Variants in NOX4 observed in about 807,000 individuals in gnomAD.
NOX4 encodes the protein NADPH oxidase 4.
NOX4 carries 69 observed loss-of-function variants against 87.6 expected under a neutral mutation model. The ratio of observed to expected loss-of-function variants is 0.79; its 90% confidence interval spans 0.65 to 0.96. The LOEUF (loss-of-function observed/expected upper bound fraction) is 0.96. Among genes scored for constraint, NOX4 ranks in the 40% least tolerant of loss-of-function variants. NOX4 has a pLI of 0.00. For synonymous variants in NOX4, 275 were observed against 238.2 expected (o/e 1.15, Z -1.42); for missense variants, 680 against 681.5 (o/e 1.00, Z 0.02).
chr11:89,416,576 G>T (rs1425800360), intron 8 of NOX4, among the ~76,000 whole-genome samples: 1 of 152,116 alleles, frequency 6.6e-6, no homozygotes, highest in Non-Finnish European at 1.5e-5. Flanking sequence ...TTTCCAGTCA[G>T]CACAATAAGC....
chr11:89,478,328 C>A (rs1946252368), intron 2 of NOX4, among the ~76,000 whole-genome samples: 1 of 152,214 alleles, frequency 6.6e-6, no homozygotes, highest in African/African-American at 2.4e-5. Context: ...TAATATAAAT[C>A]TCAACTGAAA....
the NOX4 span, among the ~76,000 whole-genome samples, chr11:89,567,963 C>T: frequency 6.6e-6 from 1 of 152,204 alleles, no homozygotes; most frequent in Non-Finnish European, 1.5e-5. Context: ...ATGCCACTAT[C>T]CTGATGAAGT....
At chr11:89,379,330 G>C (rs1940100511) in intron 11 of NOX4, among the ~76,000 whole-genome samples, 1 of 151,710 alleles carries the variant, frequency 6.6e-6, no homozygotes, top group Non-Finnish European at 1.5e-5. Flanking sequence ...AAAAACCCAG[G>C]TCTCAGTGTA....
At chr11:89,430,705 G>C (rs550525883) in intron 7 of NOX4, among the ~76,000 whole-genome samples, 1 of 152,038 alleles carries the variant, frequency 6.6e-6, no homozygotes, top group Non-Finnish European at 1.5e-5. Flanking sequence ...AAATAAAAGA[G>C]GACACAAACA....
intron 14 of NOX4, among the ~76,000 whole-genome samples, chr11:89,340,971 C>G (rs1189404533): frequency 1.3e-5 from 2 of 150,594 alleles, no homozygotes; most frequent in African/African-American, 2.4e-5. Flanking sequence ...TTTGGTTCTG[C>G]AAAAAAAATA....
the NOX4 span, among the ~76,000 whole-genome samples, chr11:89,533,177 C>T: frequency 6.6e-6 from 1 of 152,086 alleles, no homozygotes. Flanking sequence ...ATATAGTAGG[C>T]ACTTATATGA....
the NOX4 span, among the ~76,000 whole-genome samples, chr11:89,524,174 T>C: frequency 6.6e-6 from 1 of 152,208 alleles, no homozygotes; most frequent in Non-Finnish European, 1.5e-5. Flanking sequence ...AAGTCCATTA[T>C]AAAACAAGTT....
At chr11:89,550,247 A>G in the NOX4 span, among the ~76,000 whole-genome samples, 334 of 151,206 alleles carry the variant, frequency 2.2e-3, no homozygotes, top group Middle Eastern at 6.8e-3. Context: ...GTGCAGTGGC[A>G]TGATCTTGGC....
chr11:89,457,084 A>G (rs1945238025), intron 2 of NOX4, among the ~76,000 whole-genome samples: 1 of 152,078 alleles, frequency 6.6e-6, no homozygotes, highest in African/African-American at 2.4e-5. Flanking sequence ...TTTGTTGAAG[A>G]GCTCCAGTAG....
At chr11:89,525,998 T>C in the NOX4 span, among the ~76,000 whole-genome samples, 1 of 152,144 alleles carries the variant, frequency 6.6e-6, no homozygotes, top group Non-Finnish European at 1.5e-5. Flanking sequence ...CATTTATACC[T>C]TTTTCCAAAA....
chr11:89,578,635 A>T, the NOX4 span, among the ~76,000 whole-genome samples: 1 of 152,136 alleles, frequency 6.6e-6, no homozygotes, highest in African/African-American at 2.4e-5. Context: ...AAACTTTCTG[A>T]CTCCAAGGTG....
chr11:89,429,458 G>A (rs187315026), intron 7 of NOX4, among the ~76,000 whole-genome samples: 3,078 of 152,090 alleles, frequency 0.02, 60 homozygotes, highest in East Asian at 0.095. Context: ...TTGATAGACC[G>A]CTAGCAAGAC....
chr11:89,351,941 A>C (rs1246060255), intron 13 of NOX4, among the ~76,000 whole-genome samples: 3 of 152,220 alleles, frequency 2.0e-5, no homozygotes. Flanking sequence ...AAAGAACAAA[A>C]TAATGACTTT....
At chr11:89,413,044 G>A (rs1344583420) in intron 8 of NOX4, among the ~76,000 whole-genome samples, 2 of 152,014 alleles carry the variant, frequency 1.3e-5, no homozygotes, top group African/African-American at 4.8e-5. Context: ...TATCTCAAAA[G>A]ACATACAAAT....
intron 2 of NOX4, among the ~76,000 whole-genome samples, chr11:89,461,328 CA>C (rs1245503017): frequency 1.3e-5 from 2 of 151,204 alleles, no homozygotes; most frequent in African/African-American, 2.4e-5. Context: ...GAATATGAAA[CA>C]AAAAAATAAA....
chr11:89,526,803 C>T, the NOX4 span, among the ~76,000 whole-genome samples: 1 of 152,110 alleles, frequency 6.6e-6, no homozygotes, highest in African/African-American at 2.4e-5. Flanking sequence ...CTATAAATTA[C>T]CCAGTCCCAG....
chr11:89,370,370 G>A (rs1228620452), intron 12 of NOX4, among the ~76,000 whole-genome samples: 1 of 151,580 alleles, frequency 6.6e-6, no homozygotes, highest in Non-Finnish European at 1.5e-5. Flanking sequence ...AATTACATGT[G>A]GATGTTATGT....
chr11:89,328,744 A>G (rs1413109757), intron 17 of NOX4, among the ~76,000 whole-genome samples: 2 of 152,088 alleles, frequency 1.3e-5, no homozygotes, highest in East Asian at 1.9e-4. Flanking sequence ...TTTGGAGATA[A>G]GGCTTTAAAG....
intron 2 of NOX4, among the ~76,000 whole-genome samples, chr11:89,461,494 A>C (rs1413531197): frequency 1.3e-5 from 2 of 151,494 alleles, no homozygotes; most frequent in Non-Finnish European, 2.9e-5. Flanking sequence ...AATACAAAAA[A>C]ATTGACCGGG....
Sources: gnomAD v4.1 joint callset for allele counts (sites outside exome capture counted in the v4.1 genomes callset) on GRCh38, gnomAD v4.1.1 for gene constraint, MANE v1.5 for transcripts, NCBI Gene and HGNC (gene_info 2026-07-23, HGNC 2026-07-21) for gene names.